CADM2: variants seen among roughly 807,000 people sequenced by gnomAD.
CADM2 encodes the protein immunoglobulin superfamily member 4D.
In CADM2, 12 loss-of-function variants were observed where a neutral mutation model predicts 49.8. The observed-to-expected ratio is 0.24, with a 90% confidence interval of 0.15 to 0.39. CADM2 has a LOEUF of 0.39. Ranked by LOEUF, CADM2 falls within the 10% of genes least tolerant of loss-of-function variation. The pLI is 1.00. For missense variants in CADM2, 378 were observed against 492.3 expected, an observed-to-expected ratio of 0.77 and a Z score of 2.20; for synonymous variants, 214 against 175.4, an observed-to-expected ratio of 1.22 and a Z score of -1.74.
chr3:85,282,133 A>T (rs1304597592), intron 1 of CADM2, among the ~76,000 whole-genome samples: 1 of 152,050 alleles, frequency 6.6e-6, no homozygotes, highest in East Asian at 1.9e-4. Flanking sequence ...TTTAGAATAA[A>T]ATTTTTACTA....
At chr3:85,302,139 G>A (rs2044116207) in intron 1 of CADM2, among the ~76,000 whole-genome samples, 1 of 151,968 alleles carries the variant, frequency 6.6e-6, no homozygotes. Flanking sequence ...GGAATATTTT[G>A]CCTCTATGTT....
intron 1 of CADM2, among the ~76,000 whole-genome samples, chr3:85,167,765 ATGCTAATTGC>A (rs2040509671): frequency 6.6e-6 from 1 of 152,232 alleles, no homozygotes; most frequent in Non-Finnish European, 1.5e-5. Flanking sequence ...TAAGTAGCAT[ATGCTAATTGC>A]AAGGTATGCA....
intron 2 of CADM2, among the ~76,000 whole-genome samples, chr3:85,753,711 A>G (rs1351494313): frequency 1.3e-5 from 2 of 152,178 alleles, no homozygotes; most frequent in East Asian, 3.9e-4. Context: ...CAAAGCGTGC[A>G]GTAAGGGTAG....
chr3:85,089,619 A>T (rs1485260024), intron 1 of CADM2, among the ~76,000 whole-genome samples: 1 of 152,190 alleles, frequency 6.6e-6, no homozygotes, highest in African/African-American at 2.4e-5. Context: ...AGAAAATAAT[A>T]TTTCAGGTTT....
At chr3:85,233,290 T>TATTCTGTG (rs2042338636) in intron 1 of CADM2, among the ~76,000 whole-genome samples, 1 of 152,080 alleles carries the variant, frequency 6.6e-6, no homozygotes, top group Non-Finnish European at 1.5e-5. Context: ...TCAGTGAAAT[T>TATTCTGTG]ATTCTGTGTA....
intron 7 of CADM2, among the ~76,000 whole-genome samples, chr3:85,947,385 A>ATG (rs564098336): frequency 3.3e-5 from 5 of 151,112 alleles, no homozygotes; most frequent in African/African-American, 7.3e-5. Context: ...TGGGATGTGT[A>ATG]TGTGTGTGTG....
chr3:85,922,291 A>G (rs1719221013), intron 6 of CADM2, among the ~76,000 whole-genome samples: 1 of 149,914 alleles, frequency 6.7e-6, no homozygotes, highest in African/African-American at 2.5e-5. Context: ...AATTTTTATC[A>G]CATTTATAAT....
intron 3 of CADM2, among the ~76,000 whole-genome samples, chr3:85,832,565 G>T: frequency 6.6e-6 from 1 of 151,190 alleles, no homozygotes; most frequent in East Asian, 2.0e-4. Context: ...ATTTTTTCTA[G>T]GTATCATGCA....
rs541177281 is a variant in CADM2 at position 85,855,903 on chromosome 3, G to A, written c.239-27388G>A. Among the ~76,000 whole-genome samples the A allele has an allele frequency of 1.9e-3, 286 of 152,154 alleles. 1 individual carries two copies. Among genetic ancestry groups the A allele is most frequent in the African/African-American group, 6.6e-3 (273 of 41,516 alleles). ...GGCCTCCGAAAGTGCTGGGATTACA[G>A]GCGTGAGCCACCATGCCCGGCCAAA... On this transcript the variant is annotated intron_variant, in intron 3 of 9. Transcript: ENST00000383699.
chr3:85,606,143 CA>C (rs2063530835), intron 1 of CADM2, among the ~76,000 whole-genome samples: 1 of 152,092 alleles, frequency 6.6e-6, no homozygotes, highest in African/African-American at 2.4e-5. Flanking sequence ...CTTCTTGGAA[CA>C]ACCTTTTTTA....
chr3:85,743,333 T>A (rs1378053680), intron 2 of CADM2, among the ~76,000 whole-genome samples: 1 of 152,174 alleles, frequency 6.6e-6, no homozygotes, highest in Non-Finnish European at 1.5e-5. Flanking sequence ...GAAGTGAATA[T>A]CAAGTAGCAC....
intron 5 of CADM2, among the ~76,000 whole-genome samples, chr3:85,893,154 T>G (rs1484279396): frequency 6.6e-6 from 1 of 152,024 alleles, no homozygotes; most frequent in Non-Finnish European, 1.5e-5. Context: ...AATTTCTGAG[T>G]GGTAAAACAG....
intron 1 of CADM2, among the ~76,000 whole-genome samples, chr3:85,577,206 G>A (rs73843663): frequency 0.016 from 2,371 of 152,098 alleles, 72 homozygotes; most frequent in African/African-American, 0.054. Context: ...TCTTTCAGTT[G>A]CATTTAAGGA....
At chr3:85,745,439 T>C (rs950675527) in intron 2 of CADM2, among the ~76,000 whole-genome samples, 4 of 152,046 alleles carry the variant, frequency 2.6e-5, no homozygotes, top group African/African-American at 9.7e-5. Flanking sequence ...GGGGTAGACT[T>C]TGATTCTGAC....
chr3:85,398,711 G>A (rs2034926327), intron 1 of CADM2, among the ~76,000 whole-genome samples: 1 of 152,190 alleles, frequency 6.6e-6, no homozygotes, highest in African/African-American at 2.4e-5. Context: ...ACTGGTGTGA[G>A]ATGGCATCTA....
At chr3:86,053,943 T>G (rs1369449928) in intron 8 of CADM2, among the ~76,000 whole-genome samples, 1 of 152,100 alleles carries the variant, frequency 6.6e-6, no homozygotes, top group Non-Finnish European at 1.5e-5. Context: ...TGCACAAGAA[T>G]TTTTTGTGTC....
At chr3:84,996,080 C>T (rs911924063) in intron 1 of CADM2, among the ~76,000 whole-genome samples, 2 of 152,118 alleles carry the variant, frequency 1.3e-5, no homozygotes, top group Admixed American at 6.6e-5. Context: ...ATTTTACTCT[C>T]CCAACCCTGT....
chr3:85,116,474 G>A (rs1311034000), intron 1 of CADM2, among the ~76,000 whole-genome samples: 4 of 152,034 alleles, frequency 2.6e-5, no homozygotes, highest in African/African-American at 9.7e-5. Context: ...AGTTATCAAA[G>A]GTAAGTTAGC....
At chr3:86,005,828 G>C (rs1316558577) in intron 8 of CADM2, among the ~76,000 whole-genome samples, 1 of 151,944 alleles carries the variant, frequency 6.6e-6, no homozygotes, top group Non-Finnish European at 1.5e-5. Context: ...ACAATTTTTT[G>C]TACCCATTAA....
Sources: allele counts gnomAD v4.1 joint callset (sites outside exome capture counted in the v4.1 genomes callset), GRCh38; gene constraint gnomAD v4.1.1; transcripts MANE v1.5; gene names NCBI Gene and HGNC (gene_info 2026-07-23, HGNC 2026-07-21).